CAMK1D: variants seen among roughly 807,000 people sequenced by gnomAD.
CAMK1D encodes calcium/calmodulin dependent protein kinase ID, also known as calcium/calmodulin-dependent protein kinase type 1D.
In CAMK1D, 9 loss-of-function variants were observed where a neutral mutation model predicts 47.7. That is an observed-to-expected ratio of 0.19 (90% CI 0.11 to 0.33). The LOEUF is 0.33. Among genes scored for constraint, CAMK1D ranks in the 10% least tolerant of loss-of-function variants. CAMK1D has a pLI of 1.00. For synonymous variants in CAMK1D, 184 were observed against 184.9 expected, an observed-to-expected ratio of 0.99 and a Z score of 0.04; for missense variants, 291 against 488.7, an observed-to-expected ratio of 0.60 and a Z score of 3.81.
At chr10:12,541,580 C>T (rs1442085469) in intron 1 of CAMK1D, among the ~76,000 whole-genome samples, 2 of 152,196 alleles carry the variant, frequency 1.3e-5, no homozygotes, top group East Asian at 1.9e-4. Context: ...AGGCTGGTCT[C>T]GAACTCCTGA....
chr10:12,389,612 G>A (rs531046291), intron 1 of CAMK1D, among the ~76,000 whole-genome samples: 1 of 152,166 alleles, frequency 6.6e-6, no homozygotes, highest in Non-Finnish European at 1.5e-5. Flanking sequence ...GAGCCTCTCG[G>A]AGGCTGGAGG....
intron 3 of CAMK1D, among the ~76,000 whole-genome samples, chr10:12,750,470 C>A (rs1342802314): frequency 6.6e-6 from 1 of 152,190 alleles, no homozygotes; most frequent in Admixed American, 6.5e-5. Context: ...GGGGTCCCTG[C>A]ACAAAGCCAG....
intron 2 of CAMK1D, among the ~76,000 whole-genome samples, chr10:12,564,219 T>G (rs765707196): frequency 5.9e-5 from 9 of 151,368 alleles, no homozygotes; most frequent in Non-Finnish European, 1.0e-4. Context: ...ATAGCTTACA[T>G]TGGAGAACCA....
At chr10:12,728,057 C>A (rs919459334) in intron 3 of CAMK1D, among the ~76,000 whole-genome samples, 3 of 152,196 alleles carry the variant, frequency 2.0e-5, no homozygotes, top group African/African-American at 7.2e-5. Context: ...TGAGTCACAG[C>A]TCCCGGCCTT....
chr10:12,781,483 T>C (rs1837489815), intron 5 of CAMK1D, among the ~76,000 whole-genome samples: 1 of 152,156 alleles, frequency 6.6e-6, no homozygotes, highest in South Asian at 2.1e-4. Flanking sequence ...CCCCGTTCCT[T>C]AGCCTCACTC....
intron 1 of CAMK1D, among the ~76,000 whole-genome samples, chr10:12,409,578 C>A (rs771678042): frequency 1.1e-4 from 17 of 152,260 alleles, no homozygotes; most frequent in Non-Finnish European, 2.2e-4. Flanking sequence ...ACCATCACAC[C>A]TGGCTGAAAA....
At chr10:12,355,362 A>G (rs1448563426) in intron 1 of CAMK1D, among the ~76,000 whole-genome samples, 1 of 152,198 alleles carries the variant, frequency 6.6e-6, no homozygotes, top group African/African-American at 2.4e-5. Flanking sequence ...ATTGCCCAAT[A>G]AATACACCTA....
At chr10:12,816,196 G>T (rs1832785365) in intron 7 of CAMK1D, 54 bp from the exon 8 acceptor site, 1 of 1,463,770 alleles carries the variant, frequency 6.8e-7, no homozygotes, top group African/African-American at 1.4e-5. Flanking sequence ...GGATCATATT[G>T]TCACATCTCA....
At chr10:12,743,097 C>G (rs1448072298) in intron 3 of CAMK1D, among the ~76,000 whole-genome samples, 1 of 152,148 alleles carries the variant, frequency 6.6e-6, no homozygotes. Flanking sequence ...AATCCCAGCA[C>G]TTTGCGAGGC....
At chr10:12,519,037 G>C (rs1373165417) in intron 1 of CAMK1D, among the ~76,000 whole-genome samples, 1 of 112,388 alleles carries the variant, frequency 8.9e-6, no homozygotes, top group Non-Finnish European at 1.9e-5. Context: ...CCGGGCAGAG[G>C]GGCTCCTCAC....
At chr10:12,721,324 T>C (rs991770445) in intron 3 of CAMK1D, among the ~76,000 whole-genome samples, 3 of 152,212 alleles carry the variant, frequency 2.0e-5, no homozygotes, top group Non-Finnish European at 4.4e-5. Context: ...GTTCCAAATA[T>C]AACCAACTTA....
intron 7 of CAMK1D, among the ~76,000 whole-genome samples, chr10:12,814,855 G>A (rs1302419979): frequency 6.6e-6 from 1 of 152,176 alleles, no homozygotes; most frequent in Non-Finnish European, 1.5e-5. Flanking sequence ...AAACAAAGAG[G>A]ACAAGCTTGG....
At chr10:12,419,509 G>A (rs1564328284) in intron 1 of CAMK1D, among the ~76,000 whole-genome samples, 1 of 152,044 alleles carries the variant, frequency 6.6e-6, no homozygotes, top group Non-Finnish European at 1.5e-5. Context: ...AACATGCAGG[G>A]CACATATTAG....
chr10:12,691,083 C>T (rs761665938), intron 3 of CAMK1D, among the ~76,000 whole-genome samples: 5 of 152,060 alleles, frequency 3.3e-5, no homozygotes, highest in South Asian at 2.1e-4. Context: ...ACCTGCGTGG[C>T]TGAACCATGA....
intron 1 of CAMK1D, among the ~76,000 whole-genome samples, chr10:12,469,604 A>G (rs1833689888): frequency 6.6e-6 from 1 of 152,214 alleles, no homozygotes; most frequent in Non-Finnish European, 1.5e-5. Context: ...TGATGTGGAA[A>G]CCTGGATAGC....
chr10:12,600,992 C>A (rs569664021), intron 2 of CAMK1D, among the ~76,000 whole-genome samples: 1 of 152,126 alleles, frequency 6.6e-6, no homozygotes, highest in South Asian at 2.1e-4. Flanking sequence ...TAGTGTTCCT[C>A]GGTATGCATG....
intron 2 of CAMK1D, among the ~76,000 whole-genome samples, chr10:12,666,029 T>G (rs1840418091): frequency 6.6e-6 from 1 of 152,236 alleles, no homozygotes; most frequent in African/African-American, 2.4e-5. Flanking sequence ...CCTCAACTTG[T>G]GTACTCTGTG....
chr10:12,666,619 C>G, intron 2 of CAMK1D, 117 bp from the exon 3 acceptor site: 1 of 778,568 alleles, frequency 1.3e-6, no homozygotes, highest in East Asian at 2.5e-5. Context: ...AGTCTGAAAT[C>G]TTTTTGTTCA....
chr10:12,707,382 CATTTTG>C (rs1466136901), intron 3 of CAMK1D, among the ~76,000 whole-genome samples: 1 of 152,116 alleles, frequency 6.6e-6, no homozygotes, highest in Non-Finnish European at 1.5e-5. Flanking sequence ...TGATCTGTGT[CATTTTG>C]ATTTTGAGTT....
Sources: gnomAD v4.1 joint callset for allele counts (sites outside exome capture counted in the v4.1 genomes callset) on GRCh38, gnomAD v4.1.1 for gene constraint, MANE v1.5 for transcripts, NCBI Gene and HGNC (gene_info 2026-07-23, HGNC 2026-07-21) for gene names.